The following GRIK1 variants were observed in gnomAD, a reference collection of about 807,000 sequenced individuals.
The protein encoded by GRIK1 is glutamate receptor ionotropic, kainate 1.
In GRIK1, 69 loss-of-function variants were observed where a neutral mutation model predicts 105.7. That is an observed-to-expected ratio of 0.65 (90% CI 0.54 to 0.80). The LOEUF (loss-of-function observed/expected upper bound fraction) is 0.80, where lower values mean the gene tolerates loss of function less well. Ranked by LOEUF, GRIK1 falls within the 30% of genes least tolerant of loss-of-function variation. The pLI is 0.00. For missense variants in GRIK1, 1,109 were observed against 1,167.3 expected (o/e 0.95, Z 0.73); for synonymous variants, 438 against 431.3 (o/e 1.02, Z -0.19).
At chr21:29,586,616 G>A (rs2091135664) in intron 12 of GRIK1, among the ~76,000 whole-genome samples, 1 of 152,114 alleles carries the variant, frequency 6.6e-6, no homozygotes, top group African/African-American at 2.4e-5. Flanking sequence ...TAAGCCAACA[G>A]AAAGATAAAA....
chr21:29,834,854 A>T (rs1193176172), intron 1 of GRIK1, among the ~76,000 whole-genome samples: 1 of 150,332 alleles, frequency 6.7e-6, no homozygotes, highest in African/African-American at 2.4e-5. Context: ...TTACAATTGA[A>T]TATTATTTTA....
chr21:29,597,369 C>T (rs1207840052), intron 8 of GRIK1, among the ~76,000 whole-genome samples: 1 of 152,200 alleles, frequency 6.6e-6, no homozygotes, highest in Non-Finnish European at 1.5e-5. Flanking sequence ...GCTGTGAAAG[C>T]ATAACAATAG....
At chr21:29,658,393 G>A (rs911206332) in intron 4 of GRIK1, among the ~76,000 whole-genome samples, 12 of 152,164 alleles carry the variant, frequency 7.9e-5, no homozygotes, top group African/African-American at 2.9e-4. Context: ...CTCCTGAGTA[G>A]CTGGGATTAC....
intron 1 of GRIK1, among the ~76,000 whole-genome samples, chr21:29,757,736 T>C (rs1353532464): frequency 6.6e-6 from 1 of 152,234 alleles, no homozygotes; most frequent in Non-Finnish European, 1.5e-5. Flanking sequence ...AATGATATTT[T>C]GGGTTGAAAA....
intron 6 of GRIK1, among the ~76,000 whole-genome samples, chr21:29,645,340 A>G (rs918362142): frequency 1.2e-4 from 19 of 152,180 alleles, no homozygotes; most frequent in African/African-American, 4.6e-4. Context: ...ACTGTTTCTT[A>G]TCAATAGGAT....
At chr21:29,772,832 A>G (rs2065846524) in intron 1 of GRIK1, among the ~76,000 whole-genome samples, 1 of 152,254 alleles carries the variant, frequency 6.6e-6, no homozygotes, top group East Asian at 1.9e-4. Flanking sequence ...TACGCATATG[A>G]TAAATATCAT....
chr21:29,831,153 T>C (rs1227452978), intron 1 of GRIK1, among the ~76,000 whole-genome samples: 2 of 152,190 alleles, frequency 1.3e-5, no homozygotes, highest in Admixed American at 1.3e-4. Context: ...AAACACATAA[T>C]AGAGCTAGAG....
At chr21:29,895,491 G>A (rs465900) in intron 1 of GRIK1, among the ~76,000 whole-genome samples, 26,248 of 152,072 alleles carry the variant, frequency 0.17, 2,489 homozygotes, top group South Asian at 0.29. Flanking sequence ...ATTTTTTAAT[G>A]GTTACAAAAT....
At chr21:29,683,308 A>G (rs6516925) in intron 3 of GRIK1, among the ~76,000 whole-genome samples, 20,351 of 152,212 alleles carry the variant, frequency 0.13, 2,324 homozygotes, top group African/African-American at 0.3. Flanking sequence ...TCATTCTTCC[A>G]AAAAACCCAC....
intron 1 of GRIK1, among the ~76,000 whole-genome samples, chr21:29,799,492 G>A (rs538667281): frequency 9.7e-4 from 121 of 124,238 alleles, no homozygotes; most frequent in African/African-American, 3.0e-3. Flanking sequence ...CAGAGCCCAG[G>A]TGTTTTTGTT....
At chr21:29,617,917 C>T (rs749513736) in intron 7 of GRIK1, among the ~76,000 whole-genome samples, 3 of 152,198 alleles carry the variant, frequency 2.0e-5, no homozygotes, top group Admixed American at 1.3e-4. Flanking sequence ...TTGCTCCATG[C>T]TCATTTGCAT....
chr21:29,668,538 C>G (rs2063102398), intron 4 of GRIK1, among the ~76,000 whole-genome samples: 1 of 152,172 alleles, frequency 6.6e-6, no homozygotes, highest in South Asian at 2.1e-4. Flanking sequence ...GAGGCCAGGT[C>G]AGGTCATGCG....
At chr21:29,698,747 A>G (rs1248167002) in intron 1 of GRIK1, among the ~76,000 whole-genome samples, 2 of 152,102 alleles carry the variant, frequency 1.3e-5, no homozygotes, top group Non-Finnish European at 2.9e-5. Context: ...CATGCTTAAT[A>G]TCCACCTCCC....
intron 7 of GRIK1, among the ~76,000 whole-genome samples, chr21:29,618,501 A>G (rs1379715090): frequency 6.6e-6 from 1 of 152,232 alleles, no homozygotes; most frequent in East Asian, 1.9e-4. Flanking sequence ...CAGCAAGCCG[A>G]CTACTGTATA....
rs150687908 is a variant in GRIK1 at position 29,858,055 on chromosome 21, C to T, written c.118+81328G>A. Among the ~76,000 whole-genome samples the T allele has an allele frequency of 8.0e-4, 122 of 152,246 alleles. 1 individual carries two copies. The highest frequency in any genetic ancestry group is 2.9e-3 in the African/African-American group (121 of 41,550). On this transcript the variant is annotated intron_variant, in intron 1 of 17. Coordinates refer to ENST00000327783, the MANE Select transcript of GRIK1 (RefSeq NM_001330994.2). ...AGCTGGGATTACAGGCAAGTGCTATCACGCCTGGCTAAATCTTGTGTTTTT... is the reference window on the plus strand; with the variant it reads ...AGCTGGGATTACAGGCAAGTGCTATTACGCCTGGCTAAATCTTGTGTTTTT...
chr21:29,927,441 T>G (rs1054017331), intron 1 of GRIK1, among the ~76,000 whole-genome samples: 1 of 150,428 alleles, frequency 6.6e-6, no homozygotes, highest in African/African-American at 2.4e-5. Context: ...TATTTTGGGC[T>G]GTAGTGTGTA....
chr21:29,727,471 C>T (rs1419974389), intron 1 of GRIK1, among the ~76,000 whole-genome samples: 2 of 152,108 alleles, frequency 1.3e-5, no homozygotes, highest in African/African-American at 4.8e-5. Flanking sequence ...CACACCTTTG[C>T]TCTTATCCTA....
At chr21:29,844,257 T>G (rs1439569911) in intron 1 of GRIK1, among the ~76,000 whole-genome samples, 1 of 152,126 alleles carries the variant, frequency 6.6e-6, no homozygotes, top group African/African-American at 2.4e-5. Context: ...GAATGCAACA[T>G]GTATATTCCT....
At chr21:29,656,283 A>AC (rs1170765169) in intron 4 of GRIK1, among the ~76,000 whole-genome samples, 5 of 138,334 alleles carry the variant, frequency 3.6e-5, no homozygotes, top group African/African-American at 1.3e-4. Context: ...AACGGCGTGA[A>AC]CCCGGGGGCG....
Sources: allele counts gnomAD v4.1 joint callset (sites outside exome capture counted in the v4.1 genomes callset), GRCh38; gene constraint gnomAD v4.1.1; transcripts MANE v1.5; gene names NCBI Gene and HGNC (gene_info 2026-07-23, HGNC 2026-07-21).